Variants in WNT5A observed in about 807,000 individuals in gnomAD.
The protein encoded by WNT5A is protein Wnt-5a.
Under a neutral mutation model 42.1 loss-of-function variants are expected in WNT5A, and 9 were observed. That is an observed-to-expected ratio of 0.21 (90% CI 0.13 to 0.37). The LOEUF is 0.37. Among genes scored for constraint, WNT5A ranks in the 10% least tolerant of loss-of-function variants. WNT5A has a pLI of 1.00. For missense variants in WNT5A, 426 were observed against 534.0 expected (o/e 0.80, Z 1.99); for synonymous variants, 210 against 210.0 (o/e 1.00, Z 0.00).
At chr3:55,474,661 C>G (rs1479953038) in intron 3 of WNT5A, 32 bp from the exon 4 acceptor site, 4 of 1,175,724 alleles carry the variant, frequency 3.4e-6, no homozygotes, top group Non-Finnish European at 4.2e-6. Flanking sequence ...CACTGGCCGC[C>G]TGCCTCACGC....
the WNT5A span, among the ~76,000 whole-genome samples, chr3:55,504,035 G>T: frequency 2.0e-5 from 3 of 152,260 alleles, no homozygotes; most frequent in East Asian, 3.9e-4. Flanking sequence ...ACTTTGGGAG[G>T]CCAAGACAGG....
rs751192672 is a variant in WNT5A at position 55,487,025 on chromosome 3, A to G, written c.-40T>C. 1 of 1,605,536 alleles carries G rather than the reference A, an allele frequency of 6.2e-7. No individual in the cohort carries two copies. The highest frequency in any genetic ancestry group is 8.5e-7 in the Non-Finnish European group (1 of 1,175,824). On this transcript the variant is annotated 5_prime_UTR_variant, in exon 1 of 5. Transcript: ENST00000264634. Reference sequence around the variant, plus strand: ...GGCGCGGGGAGGAAGTCGCCACCCGAGCGAGCGCAGCCGAGGAATCCGAGC... The same window carrying G: ...GGCGCGGGGAGGAAGTCGCCACCCGGGCGAGCGCAGCCGAGGAATCCGAGC...
chr3:55,474,533 C>A lies in WNT5A; in HGVS notation c.488G>T (p.Gly163Val). ...ACREGELSTC[G>V]CSRAARPKDL... ...CTTGGGGCGCGCGGCGCGGCTGCAG[C>A]CGCAGGTGGACAGCTCGCCCTCGCG... Residue 163 changes from glycine to valine, a missense_variant, in exon 4 of 5, where the codon GGC becomes GTC. Around this residue, in one of 3 missense-constraint regions of WNT5A, gnomAD observed 358 missense variants for 468.1 expected, o/e 0.76. Transcript: ENST00000264634. The A allele has an allele frequency of 6.4e-7, 1 of 1,560,710 alleles. No homozygotes were observed.
the WNT5A span, among the ~76,000 whole-genome samples, chr3:55,500,323 A>G: frequency 3.3e-5 from 5 of 152,286 alleles, no homozygotes; most frequent in African/African-American, 1.2e-4. Flanking sequence ...TTGATTTGCT[A>G]TTTTCCTAAA....
At chr3:55,500,022 T>G in the WNT5A span, among the ~76,000 whole-genome samples, 1 of 151,998 alleles carries the variant, frequency 6.6e-6, no homozygotes, top group Non-Finnish European at 1.5e-5. Context: ...TAACTAGATT[T>G]TTCCTGTGGA....
chr3:55,500,598 C>A, the WNT5A span, among the ~76,000 whole-genome samples: 12 of 152,328 alleles, frequency 7.9e-5, no homozygotes, highest in Admixed American at 3.9e-4. Context: ...GCTACTCAGC[C>A]AGGAAGTGGC....
upstream of WNT5A, among the ~76,000 whole-genome samples, chr3:55,491,713 C>T (rs1456857345): frequency 6.6e-6 from 1 of 152,180 alleles, no homozygotes; most frequent in Non-Finnish European, 1.5e-5. Flanking sequence ...TCTCTCCAGT[C>T]ACTAGAATTT....
chr3:55,484,324 CGCGAGGAGCTAAAGAATGG>C (rs2051530263), intron 1 of WNT5A, among the ~76,000 whole-genome samples: 2 of 152,110 alleles, frequency 1.3e-5, no homozygotes, highest in South Asian at 2.1e-4. Context: ...CGGGGAGCGG[CGCGAGGAGCTAAAGAATGG>C]GCCGGCCCAG....
At chr3:55,487,401 T>C (rs1575409268), upstream of WNT5A, 1 of 203,498 alleles carries the variant, frequency 4.9e-6, no homozygotes, top group East Asian at 1.2e-4. Flanking sequence ...CAAAAGACCT[T>C]ACGACAAATA....
intron 3 of WNT5A, among the ~76,000 whole-genome samples, chr3:55,478,516 C>T (rs2051397363): frequency 6.6e-6 from 1 of 152,132 alleles, no homozygotes; most frequent in Non-Finnish European, 1.5e-5. Context: ...CCACATCTGT[C>T]AAATAGTATC....
At position 55,470,253 on chromosome 3, in the gene WNT5A, T is replaced by C. The variant is rs767068436; in HGVS notation, c.982A>G (p.Thr328Ala). 1.2e-6 allele frequency: 2 copies of C among 1,614,076 alleles called. No individual in the cohort carries two copies. The highest frequency in any genetic ancestry group is 1.6e-4 in the Middle Eastern group (1 of 6,062). Reference sequence around the variant, plus strand: ...TCGCAGCCATCCATGCCCTCCGACGTCTTGTTGCACAGGCGGCCCTGCGTG... The same window carrying C: ...TCGCAGCCATCCATGCCCTCCGACGCCTTGTTGCACAGGCGGCCCTGCGTG... ...LGTQGRLCNK[T>A]SEGMDGCELM... The change falls in exon 5 of 5, where the codon ACG (threonine) becomes GCG (alanine). Residue 328 changes from threonine to alanine, a missense_variant. Physicochemically the swap from Thr to Ala is moderately conservative, Grantham distance 58. Coordinates refer to ENST00000264634, the MANE Select transcript of WNT5A (RefSeq NM_003392.7).
rs1465219513 is a variant in WNT5A at position 55,468,114 on chromosome 3, C to G, written c.*1978G>C. 13 of 138,532 alleles carry G rather than the reference C, an allele frequency of 9.4e-5. No homozygotes were observed. The highest frequency in any genetic ancestry group is 1.5e-4 in the Non-Finnish European group (10 of 65,612). The allele number at this position is 138,532 out of a possible 1,614,324, so 8.6% of individuals were successfully genotyped here. ...TGAGATAAGAACATATTTGATGGCA[C>G]TGTTTGGAAAGAGGTGTCCTTATTA... On this transcript the variant is annotated 3_prime_UTR_variant, in exon 5 of 5. Transcript: ENST00000264634.
In WNT5A at chr3:55,468,150, A is replaced by AAG. The variant is rs1020695614; in HGVS notation, c.*1941_*1942insCT. 5.3e-5 allele frequency: 8 copies of AAG among 151,796 alleles called. No individual in the cohort carries two copies. Among genetic ancestry groups the AAG allele is most frequent in the African/African-American group, 1.9e-4 (8 of 41,356 alleles). 9.4% of individuals were successfully genotyped at this position (151,796 alleles called of 1,614,324 possible). A position where few individuals can be genotyped will look rare whatever the true frequency, so the allele number is the denominator to read the frequency against. Reference sequence around the variant, plus strand: ...GAGGTGTCCTTATTAAAAAAAAAAAAAAAAAAGCTATCTATGTAGTGGGCT... The same window carrying AAG: ...GAGGTGTCCTTATTAAAAAAAAAAAAAGAAAAAAGCTATCTATGTAGTGGGCT... On this transcript the variant is annotated 3_prime_UTR_variant, in exon 5 of 5. Transcript: ENST00000264634.
intron 3 of WNT5A, among the ~76,000 whole-genome samples, chr3:55,477,398 C>T (rs896706079): frequency 2.0e-5 from 3 of 152,172 alleles, no homozygotes; most frequent in Non-Finnish European, 2.9e-5. Context: ...CTCTGAGACG[C>T]TAGGCACTTG....
Position 55,470,511 on chromosome 3 carries a change from C to T in WNT5A, c.724G>A (p.Gly242Arg). The T allele has an allele frequency of 6.3e-7, 1 of 1,588,010 alleles. No individual in the cohort carries two copies. ...TTCAGGCTACATGAGCCGGACACCC[C>T]ATGGCACTTGCAGGCCACATCAGCC... The part of the protein sequence containing the change: ...NLADVACKCH[G>R]VSGSCSLKTC... The change falls in exon 5 of 5, where the codon GGG becomes AGG. Residue 242 changes from glycine (G) to arginine (R), a missense_variant. Gly to Arg is a moderately radical substitution (Grantham distance 125). Around this residue, in one of 3 missense-constraint regions of WNT5A, gnomAD observed 358 missense variants for 468.1 expected, o/e 0.76. Coordinates refer to ENST00000264634, the MANE Select transcript of WNT5A (RefSeq NM_003392.7).
At chr3:55,484,188 T>C (rs1288890173) in intron 1 of WNT5A, among the ~76,000 whole-genome samples, 13 of 152,272 alleles carry the variant, frequency 8.5e-5, no homozygotes, top group Admixed American at 4.6e-4. Flanking sequence ...ATCTCCACTC[T>C]TGGTGGAAAA....
At chr3:55,502,191 T>G in the WNT5A span, among the ~76,000 whole-genome samples, 2 of 152,194 alleles carry the variant, frequency 1.3e-5, no homozygotes, top group African/African-American at 4.8e-5. Flanking sequence ...TTGGGACTGG[T>G]CACCTTAAGA....
the WNT5A span, among the ~76,000 whole-genome samples, chr3:55,503,974 G>A: frequency 6.6e-6 from 1 of 151,902 alleles, no homozygotes; most frequent in African/African-American, 2.4e-5. Context: ...CAAAAAACAG[G>A]AGTTAGAGAA....
At chr3:55,486,877 T>G in intron 1 of WNT5A, 103 bp downstream of exon 1, 1 of 841,558 alleles carries the variant, frequency 1.2e-6, no homozygotes, top group Non-Finnish European at 2.0e-6. Context: ...TTCAGGCGGT[T>G]GGGGAAATGG....
Sources: allele counts gnomAD v4.1 joint callset (sites outside exome capture counted in the v4.1 genomes callset), GRCh38; gene constraint gnomAD v4.1.1; regional missense constraint gnomAD v4.1.1; transcripts MANE v1.5; gene names NCBI Gene and HGNC (gene_info 2026-07-23, HGNC 2026-07-21).